Variants in CNTNAP5 observed in about 807,000 individuals in gnomAD.
CNTNAP5 encodes the protein contactin-associated protein-like 5.
A neutral mutation model predicts 150.2 loss-of-function variants in CNTNAP5; 72 were observed. The ratio of observed to expected loss-of-function variants is 0.48; its 90% CI spans 0.40 to 0.58. CNTNAP5 has a LOEUF of 0.58. CNTNAP5 is among the 20% of genes least tolerant of loss of function. The pLI is 0.00. For missense variants in CNTNAP5, 1,636 were observed against 1,626.2 expected (o/e 1.01, Z -0.10); for synonymous variants, 672 against 619.8 (o/e 1.08, Z -1.25).
At chr2:124,291,989 G>T (rs1185257940) in intron 3 of CNTNAP5, among the ~76,000 whole-genome samples, 2 of 151,790 alleles carry the variant, frequency 1.3e-5, no homozygotes, top group African/African-American at 2.4e-5. Context: ...ATAAAATAAT[G>T]AAGCTGTGCC....
intron 2 of CNTNAP5, among the ~76,000 whole-genome samples, chr2:124,229,195 G>A (rs905404607): frequency 1.3e-5 from 2 of 152,002 alleles, no homozygotes; most frequent in African/African-American, 4.8e-5. Context: ...AAATGTGCTG[G>A]GCAAATGTTA....
At chr2:124,867,761 T>C (rs1046971041) in intron 20 of CNTNAP5, among the ~76,000 whole-genome samples, 2 of 152,218 alleles carry the variant, frequency 1.3e-5, no homozygotes, top group Non-Finnish European at 2.9e-5. Flanking sequence ...TTCATGTACA[T>C]GCTGATGAAT....
chr2:124,329,997 A>G (rs1203522333), intron 3 of CNTNAP5, among the ~76,000 whole-genome samples: 1 of 152,192 alleles, frequency 6.6e-6, no homozygotes, highest in East Asian at 1.9e-4. Context: ...ATTGTAGTTT[A>G]TATCAGATGT....
At chr2:124,199,693 G>A (rs538291326) in intron 1 of CNTNAP5, among the ~76,000 whole-genome samples, 19 of 152,254 alleles carry the variant, frequency 1.2e-4, no homozygotes, top group Admixed American at 3.9e-4. Context: ...GGGATTACAG[G>A]CATGAGCCAC....
chr2:124,724,175 AATG>A (rs1553435582), intron 13 of CNTNAP5, among the ~76,000 whole-genome samples: 263 of 149,542 alleles, frequency 1.8e-3, no homozygotes, highest in Non-Finnish European at 2.4e-3. Flanking sequence ...TAATAATAAT[AATG>A]ATGATACAGA....
intron 9 of CNTNAP5, among the ~76,000 whole-genome samples, chr2:124,525,801 T>C (rs553566107): frequency 6.6e-6 from 1 of 152,316 alleles, no homozygotes; most frequent in East Asian, 1.9e-4. Context: ...AGAAACCTTG[T>C]GCAGTAGGTA....
In CNTNAP5 at chr2:124,798,367, A is replaced by C. The variant is rs571657004; in HGVS notation, c.3217+47A>C. The C allele has an allele frequency of 3.6e-5, 49 of 1,375,024 alleles. No homozygotes were observed. The East Asian group carries it at 1.1e-3, about 30-fold the overall frequency. The allele number at this position is 1,375,024 out of a possible 1,614,324, so 85.2% of individuals were successfully genotyped here. ...CCAGCGGAGTCTCAGCCTGGGCTGG[A>C]GGGACGGTGCATGCCCTCCAGAACT... On this transcript the variant is annotated intron_variant, in intron 19 of 23. Coordinates refer to ENST00000682447, the MANE Select transcript of CNTNAP5 (RefSeq NM_001367498.1).
At chr2:124,491,287 C>A (rs1694018449) in intron 7 of CNTNAP5, among the ~76,000 whole-genome samples, 1 of 152,098 alleles carries the variant, frequency 6.6e-6, no homozygotes, top group Admixed American at 6.6e-5. Flanking sequence ...TCTTGAGATA[C>A]CACATATTTG....
intron 19 of CNTNAP5, among the ~76,000 whole-genome samples, chr2:124,832,938 G>T (rs1430809653): frequency 6.7e-6 from 1 of 148,636 alleles, no homozygotes; most frequent in Non-Finnish European, 1.5e-5. Flanking sequence ...TTTGAGACAG[G>T]GTCTGCCTCT....
chr2:124,188,693 T>C (rs1232833222), intron 1 of CNTNAP5, among the ~76,000 whole-genome samples: 2 of 117,056 alleles, frequency 1.7e-5, no homozygotes, highest in Admixed American at 1.2e-4. Flanking sequence ...CACTCCAGCC[T>C]GGGTGACAGC....
chr2:124,799,283 G>A (rs904440601), intron 19 of CNTNAP5, among the ~76,000 whole-genome samples: 3 of 152,210 alleles, frequency 2.0e-5, no homozygotes, highest in African/African-American at 7.2e-5. Flanking sequence ...TGCAAGGAAT[G>A]GTGAACGACA....
intron 1 of CNTNAP5, among the ~76,000 whole-genome samples, chr2:124,099,261 A>G (rs1481991558): frequency 6.6e-6 from 1 of 152,110 alleles, no homozygotes; most frequent in African/African-American, 2.4e-5. Context: ...CTATTCCCAT[A>G]TCCAGGAAGA....
intron 1 of CNTNAP5, among the ~76,000 whole-genome samples, chr2:124,051,832 G>T (rs1681704902): frequency 6.6e-6 from 1 of 152,174 alleles, no homozygotes; most frequent in African/African-American, 2.4e-5. Flanking sequence ...GATTTTGCTT[G>T]ATTTCCTTCT....
At chr2:124,223,136 A>G (rs1255056641) in intron 2 of CNTNAP5, among the ~76,000 whole-genome samples, 1 of 152,156 alleles carries the variant, frequency 6.6e-6, no homozygotes, top group Non-Finnish European at 1.5e-5. Flanking sequence ...TTCCTGAGGC[A>G]TCAGTTTCCC....
chr2:124,372,957 C>G (rs1690564772), intron 3 of CNTNAP5, among the ~76,000 whole-genome samples: 1 of 152,092 alleles, frequency 6.6e-6, no homozygotes, highest in African/African-American at 2.4e-5. Context: ...ATGGTTGAAG[C>G]ACACTTGAGG....
intron 11 of CNTNAP5, among the ~76,000 whole-genome samples, chr2:124,573,370 T>G (rs1696209083): frequency 6.6e-6 from 1 of 152,212 alleles, no homozygotes; most frequent in Admixed American, 6.5e-5. Flanking sequence ...ATCTATGTCT[T>G]TCTCTCCATC....
chr2:124,671,085 C>G (rs1032860586), intron 13 of CNTNAP5, among the ~76,000 whole-genome samples: 2 of 152,126 alleles, frequency 1.3e-5, no homozygotes, highest in African/African-American at 4.8e-5. Flanking sequence ...CCTCATTCTT[C>G]CTGTGTAAAA....
chr2:124,211,702 T>A (rs1268133295), intron 1 of CNTNAP5, among the ~76,000 whole-genome samples: 3 of 152,222 alleles, frequency 2.0e-5, no homozygotes, highest in Non-Finnish European at 4.4e-5. Context: ...ACCCCATTGG[T>A]TGTGCTATTA....
chr2:124,674,066 T>G (rs941552333), intron 13 of CNTNAP5, among the ~76,000 whole-genome samples: 3 of 152,152 alleles, frequency 2.0e-5, no homozygotes, highest in Non-Finnish European at 4.4e-5. Flanking sequence ...AGCAGTGATA[T>G]ATCCTCTTTC....
Sources: gnomAD v4.1 joint callset for allele counts (sites outside exome capture counted in the v4.1 genomes callset) on GRCh38, gnomAD v4.1.1 for gene constraint, MANE v1.5 for transcripts, NCBI Gene and HGNC (gene_info 2026-07-23, HGNC 2026-07-21) for gene names.